The following DPP4 variants were observed in gnomAD, a reference collection of about 807,000 sequenced individuals.
DPP4 encodes dipeptidyl peptidase 4.
Under a neutral mutation model 122.4 loss-of-function variants are expected in DPP4, and 93 were observed. The ratio of observed to expected loss-of-function variants is 0.76; its 90% CI spans 0.64 to 0.90. DPP4 has a LOEUF of 0.90. Among genes scored for constraint, DPP4 ranks in the 40% least tolerant of loss-of-function variants. The pLI is 0.00. For synonymous variants in DPP4, 321 were observed against 302.9 expected, an observed-to-expected ratio of 1.06 and a Z score of -0.62; for missense variants, 914 against 907.3, an observed-to-expected ratio of 1.01 and a Z score of -0.09.
chr2:162,004,989 G>C (rs1701245647), intron 23 of DPP4, among the ~76,000 whole-genome samples: 1 of 152,162 alleles, frequency 6.6e-6, no homozygotes, highest in Non-Finnish European at 1.5e-5. Flanking sequence ...ATGACAAACA[G>C]AATCAGCAAA....
At chr2:161,995,557 G>A (rs1219997254) in intron 23 of DPP4, among the ~76,000 whole-genome samples, 185 bp from the exon 24 acceptor site, 1 of 152,202 alleles carries the variant, frequency 6.6e-6, no homozygotes, top group Non-Finnish European at 1.5e-5. Flanking sequence ...CTGTGCCTGG[G>A]AGACAGGACT....
intron 2 of DPP4, among the ~76,000 whole-genome samples, chr2:162,063,915 C>T (rs565968337): frequency 6.6e-6 from 1 of 152,046 alleles, no homozygotes; most frequent in Non-Finnish European, 1.5e-5. Context: ...AATGATGTTG[C>T]CACATGCAAG....
intron 12 of DPP4, 120 bp downstream of exon 12, chr2:162,022,635 A>G (rs776652329): frequency 2.2e-6 from 2 of 914,180 alleles, no homozygotes; most frequent in Non-Finnish European, 3.5e-6. Context: ...ATTTTGAGAA[A>G]TAGGTTAACT....
At chr2:161,998,428 G>A (rs901768635) in intron 23 of DPP4, among the ~76,000 whole-genome samples, 2 of 152,002 alleles carry the variant, frequency 1.3e-5, no homozygotes, top group Admixed American at 6.6e-5. Context: ...CTCTTTGCTC[G>A]CGGAAGACAG....
At chr2:162,020,204 T>C in intron 14 of DPP4, 25 bp downstream of exon 14, 1 of 1,590,234 alleles carries the variant, frequency 6.3e-7, no homozygotes, top group Non-Finnish European at 8.6e-7. Flanking sequence ...TAGGTTTATA[T>C]CCTATCAATT....
chr2:162,014,702 C>T (rs1255164053), intron 18 of DPP4, among the ~76,000 whole-genome samples: 2 of 152,256 alleles, frequency 1.3e-5, no homozygotes, highest in African/African-American at 2.4e-5. Context: ...CTATTAAATA[C>T]ATTGGTGCCT....
intron 19 of DPP4, among the ~76,000 whole-genome samples, chr2:162,012,877 G>A (rs1682754527): frequency 6.6e-6 from 1 of 152,048 alleles, no homozygotes; most frequent in African/African-American, 2.4e-5. Context: ...GACAAGTTCT[G>A]CTTACATGCC....
chr2:162,067,747 A>G (rs1423146930), intron 2 of DPP4, among the ~76,000 whole-genome samples: 3 of 152,188 alleles, frequency 2.0e-5, no homozygotes, highest in African/African-American at 7.2e-5. Context: ...GGAGGTCATA[A>G]TGGAGCTGTG....
At chr2:162,056,750 G>T (rs958359181) in intron 2 of DPP4, among the ~76,000 whole-genome samples, 7 of 152,170 alleles carry the variant, frequency 4.6e-5, no homozygotes, top group African/African-American at 9.7e-5. Flanking sequence ...TATAGGAGGG[G>T]CCTGAATTCT....
chr2:162,009,164 T>A, intron 21 of DPP4, 77 bp downstream of exon 21: 1 of 1,436,454 alleles, frequency 7.0e-7, no homozygotes, highest in Non-Finnish European at 9.8e-7. Context: ...CAAATATGTA[T>A]ATACAAAAGA....
At chr2:162,059,478 T>C (rs1254324354) in intron 2 of DPP4, among the ~76,000 whole-genome samples, 2 of 152,216 alleles carry the variant, frequency 1.3e-5, no homozygotes, top group Non-Finnish European at 2.9e-5. Flanking sequence ...GCAACTATTT[T>C]AGCAAAGGGC....
chr2:162,020,112 G>T, intron 14 of DPP4, 117 bp downstream of exon 14: 4 of 847,830 alleles, frequency 4.7e-6, no homozygotes, highest in South Asian at 3.4e-5. Flanking sequence ...AAAAAGTATT[G>T]AACACATTCC....
At chr2:162,006,391 T>A (rs1701283250) in intron 22 of DPP4, among the ~76,000 whole-genome samples, 1 of 152,198 alleles carries the variant, frequency 6.6e-6, no homozygotes, top group Non-Finnish European at 1.5e-5. Context: ...GAGATCAGAC[T>A]GGGATTCACT....
chr2:162,059,180 C>T (rs901465362), intron 2 of DPP4, among the ~76,000 whole-genome samples: 1 of 151,580 alleles, frequency 6.6e-6, no homozygotes. Flanking sequence ...AGTCAGGAAG[C>T]TCTACACACA....
chr2:162,063,544 A>C (rs745640447), intron 2 of DPP4, among the ~76,000 whole-genome samples: 9 of 152,070 alleles, frequency 5.9e-5, no homozygotes, highest in Admixed American at 1.3e-4. Context: ...AAGGACAACC[A>C]GGAGAGAGTG....
At chr2:162,040,820 T>C (rs961940119) in intron 5 of DPP4, among the ~76,000 whole-genome samples, 1 of 151,800 alleles carries the variant, frequency 6.6e-6, no homozygotes, top group Non-Finnish European at 1.5e-5. Context: ...ATGCAAGACA[T>C]TAATAATAGG....
At chr2:162,051,933 T>C (rs1684396929) in intron 2 of DPP4, among the ~76,000 whole-genome samples, 1 of 152,200 alleles carries the variant, frequency 6.6e-6, no homozygotes, top group African/African-American at 2.4e-5. Context: ...TGAAAGATGG[T>C]GTCCCATCCA....
chr2:162,039,346 C>A (rs951434761), intron 5 of DPP4, among the ~76,000 whole-genome samples, 162 bp from the exon 6 acceptor site: 1 of 151,876 alleles, frequency 6.6e-6, no homozygotes, highest in African/African-American at 2.4e-5. Flanking sequence ...TCAGAAGTAT[C>A]CTAGAGATCA....
chr2:162,018,674 C>T, intron 16 of DPP4, 55 bp downstream of exon 16: 2 of 1,588,408 alleles, frequency 1.3e-6, no homozygotes, highest in Non-Finnish European at 1.7e-6. Flanking sequence ...GAGGGAGCTG[C>T]TTCGAAGTGA....
Sources: allele counts gnomAD v4.1 joint callset (sites outside exome capture counted in the v4.1 genomes callset), GRCh38; gene constraint gnomAD v4.1.1; transcripts MANE v1.5; gene names NCBI Gene and HGNC (gene_info 2026-07-23, HGNC 2026-07-21).